Variants in PEAK1 observed in about 807,000 individuals in gnomAD.
The protein encoded by PEAK1 is pseudopodium enriched atypical kinase 1, also known as inactive tyrosine-protein kinase PEAK1.
PEAK1 carries 54 observed loss-of-function variants against 124.7 expected under a neutral mutation model. That is an observed-to-expected ratio of 0.43 (90% CI 0.35 to 0.54). PEAK1 has a LOEUF of 0.54. PEAK1 is among the 20% of genes least tolerant of loss of function. The pLI is 0.01. For missense variants in PEAK1, 2,046 were observed against 2,134.5 expected (o/e 0.96, Z 0.82); for synonymous variants, 719 against 760.0 (o/e 0.95, Z 0.89).
intron 1 of PEAK1, among the ~76,000 whole-genome samples, chr15:77,367,247 T>C (rs2068310100): frequency 6.6e-6 from 1 of 152,212 alleles, no homozygotes; most frequent in South Asian, 2.1e-4. Context: ...GAAGAAACTG[T>C]GTAAAGGGCA....
chr15:77,116,138 C>T (rs549904853), intron 9 of PEAK1, among the ~76,000 whole-genome samples: 5 of 152,260 alleles, frequency 3.3e-5, no homozygotes, highest in Admixed American at 2.0e-4. Flanking sequence ...CATACTGTGA[C>T]GATTCTATTT....
intron 5 of PEAK1, among the ~76,000 whole-genome samples, chr15:77,276,247 C>A (rs568659623): frequency 1.4e-4 from 21 of 152,194 alleles, no homozygotes; most frequent in Admixed American, 3.3e-4. Flanking sequence ...GACAAGTAAA[C>A]CCCAAACAGT....
At chr15:77,217,210 G>C (rs2152872261) in intron 6 of PEAK1, among the ~76,000 whole-genome samples, 1 of 115,592 alleles carries the variant, frequency 8.7e-6, no homozygotes, top group African/African-American at 3.3e-5. Context: ...GTGACCAAGA[G>C]AGACTCTGTC....
chr15:77,172,990 G>T (rs1051321227), intron 7 of PEAK1, among the ~76,000 whole-genome samples: 1 of 152,110 alleles, frequency 6.6e-6, no homozygotes, highest in African/African-American at 2.4e-5. Context: ...CTGAGCTCAG[G>T]TGATCCTCCT....
chr15:77,358,107 T>C (rs2067638677), intron 2 of PEAK1, among the ~76,000 whole-genome samples: 1 of 152,250 alleles, frequency 6.6e-6, no homozygotes, highest in African/African-American at 2.4e-5. Context: ...TCTTATGTTC[T>C]ATCATGTGTT....
intron 2 of PEAK1, chr15:77,346,364 T>C: frequency 3.0e-6 from 3 of 984,268 alleles, no homozygotes; most frequent in Non-Finnish European, 3.6e-6. Context: ...TTTGTTCCTG[T>C]TCTATAATCC....
chr15:77,366,964 T>A (rs1342075014), intron 1 of PEAK1, among the ~76,000 whole-genome samples: 1 of 152,036 alleles, frequency 6.6e-6, no homozygotes, highest in Non-Finnish European at 1.5e-5. Flanking sequence ...TGAAACCCCG[T>A]CTCTACTAAA....
intron 6 of PEAK1, among the ~76,000 whole-genome samples, chr15:77,244,356 C>A (rs903768796): frequency 2.2e-4 from 33 of 152,170 alleles, no homozygotes; most frequent in African/African-American, 8.0e-4. Flanking sequence ...AAATTAACAA[C>A]AATTTCTCAA....
chr15:77,319,584 G>C (rs372641430), intron 2 of PEAK1, among the ~76,000 whole-genome samples: 1 of 152,256 alleles, frequency 6.6e-6, no homozygotes, highest in East Asian at 1.9e-4. Flanking sequence ...GACAGACCTA[G>C]AACACTGAGA....
chr15:77,326,231 AC>A (rs1275172195), intron 2 of PEAK1, among the ~76,000 whole-genome samples: 2 of 152,094 alleles, frequency 1.3e-5, no homozygotes, highest in Admixed American at 1.3e-4. Context: ...GACATAATGA[AC>A]TTTCACATTA....
At chr15:77,248,664 C>T (rs547382750) in intron 6 of PEAK1, among the ~76,000 whole-genome samples, 2 of 152,282 alleles carry the variant, frequency 1.3e-5, no homozygotes, top group Admixed American at 1.3e-4. Flanking sequence ...TTGGGACTCC[C>T]CAGCCTTCAG....
intron 1 of PEAK1, among the ~76,000 whole-genome samples, chr15:77,413,274 T>C (rs2072562155): frequency 6.6e-6 from 1 of 152,198 alleles, no homozygotes; most frequent in Non-Finnish European, 1.5e-5. Context: ...CTCCAGGAAG[T>C]GGAGTTTAAT....
chr15:77,278,905 T>C (rs567683844), intron 5 of PEAK1: 1 of 252,386 alleles, frequency 4.0e-6, no homozygotes, highest in East Asian at 1.2e-4. Flanking sequence ...TCATCTCTGC[T>C]CACTGCAACC....
At chr15:77,134,424 A>G (rs141014555) in intron 8 of PEAK1, among the ~76,000 whole-genome samples, 1 of 152,250 alleles carries the variant, frequency 6.6e-6, no homozygotes, top group Non-Finnish European at 1.5e-5. Context: ...GTATATGAGC[A>G]GTCAACTTCT....
intron 6 of PEAK1, among the ~76,000 whole-genome samples, chr15:77,191,291 C>G (rs1050145745): frequency 3.3e-5 from 5 of 152,230 alleles, no homozygotes; most frequent in African/African-American, 9.6e-5. Flanking sequence ...AACTCGAAGG[C>G]TGATTCATAG....
intron 5 of PEAK1, among the ~76,000 whole-genome samples, chr15:77,273,920 T>C (rs1220926729): frequency 3.3e-5 from 5 of 152,088 alleles, no homozygotes; most frequent in Admixed American, 2.0e-4. Context: ...TGTACTGGAA[T>C]AGAAACAGGC....
chr15:77,182,749 C>CA (rs71143395), intron 6 of PEAK1, among the ~76,000 whole-genome samples: 933 of 65,044 alleles, frequency 0.014, 27 homozygotes, highest in South Asian at 0.04. Context: ...GACCTTGTCT[C>CA]AAAAAAAAAA....
chr15:77,253,633 C>A (rs1168615338), intron 5 of PEAK1, among the ~76,000 whole-genome samples: 2 of 152,120 alleles, frequency 1.3e-5, no homozygotes, highest in African/African-American at 4.8e-5. Flanking sequence ...ATGATATTTT[C>A]ATTGGATATT....
At chr15:77,298,925 C>T (rs953671481) in intron 2 of PEAK1, among the ~76,000 whole-genome samples, 3 of 152,104 alleles carry the variant, frequency 2.0e-5, no homozygotes, top group African/African-American at 4.8e-5. Context: ...GGGGAGAAGG[C>T]CAACTGGCAC....
Sources: gnomAD v4.1 joint callset for allele counts (sites outside exome capture counted in the v4.1 genomes callset) on GRCh38, gnomAD v4.1.1 for gene constraint, MANE v1.5 for transcripts, NCBI Gene and HGNC (gene_info 2026-07-23, HGNC 2026-07-21) for gene names.